SRRM3: variants seen among roughly 807,000 people sequenced by gnomAD.
The protein encoded by SRRM3 is serine/arginine repetitive matrix protein 3.
Under a neutral mutation model 66.2 loss-of-function variants are expected in SRRM3, and 27 were observed. The observed-to-expected ratio is 0.41, with a 90% CI of 0.30 to 0.56. SRRM3 has a LOEUF of 0.56. Ranked by LOEUF, SRRM3 falls within the 20% of genes least tolerant of loss-of-function variation. The pLI, the probability that SRRM3 is intolerant of heterozygous loss-of-function variation, is 0.32. For synonymous variants in SRRM3, 391 were observed against 414.9 expected (o/e 0.94, Z 0.70); for missense variants, 918 against 991.9 (o/e 0.93, Z 1.00).
In SRRM3 at chr7:76,263,698, A is replaced by AAAAC. The variant is rs528752673; in HGVS notation, c.675-1047_675-1044dup. 6.3e-3 allele frequency among the ~76,000 whole-genome samples: 962 copies of AAAAC among 151,924 alleles called. 11 individuals are homozygous for AAAAC. The highest frequency in any genetic ancestry group is 0.021 in the African/African-American group (885 of 41,406). On this transcript the variant is annotated intron_variant, in intron 8 of 14. Transcript: ENST00000611745. ...AACATGGTGAAATCCTGTTTCTACT[A>AAAAC]AAACAAACAAACAAACAAACAAAAA...
At chr7:76,266,512 T>C (rs1342870445) in intron 10 of SRRM3, among the ~76,000 whole-genome samples, 4 of 112,056 alleles carry the variant, frequency 3.6e-5, no homozygotes, top group African/African-American at 7.4e-5. Flanking sequence ...AATATATAAA[T>C]ATTTATATAT....
chr7:76,231,633 G>A (rs1049798616), intron 1 of SRRM3, among the ~76,000 whole-genome samples: 15 of 152,226 alleles, frequency 9.9e-5, no homozygotes, highest in Non-Finnish European at 1.5e-5. Flanking sequence ...AGGCTCTAAC[G>A]AGCCAGAATG....
chr7:76,258,412 G>A (rs533422389), intron 3 of SRRM3, among the ~76,000 whole-genome samples: 2 of 152,236 alleles, frequency 1.3e-5, no homozygotes, highest in Admixed American at 6.6e-5. Flanking sequence ...GGAGGAAGGG[G>A]CTCTTTAAGA....
intron 5 of SRRM3, 94 bp from the exon 6 acceptor site, chr7:76,260,780 C>A (rs1312501621): frequency 1.0e-5 from 13 of 1,239,656 alleles, no homozygotes; most frequent in Non-Finnish European, 1.4e-5. Flanking sequence ...CTCTGTCCAC[C>A]CTCCCCTGTC....
chr7:76,226,343 C>T (rs1201600669), intron 1 of SRRM3, among the ~76,000 whole-genome samples: 1 of 152,204 alleles, frequency 6.6e-6, no homozygotes. Context: ...AGGCTTTTAA[C>T]CACTTCCTGG....
At chr7:76,248,609 A>G (rs1337904563) in intron 3 of SRRM3, among the ~76,000 whole-genome samples, 1 of 152,174 alleles carries the variant, frequency 6.6e-6, no homozygotes, top group Non-Finnish European at 1.5e-5. Context: ...GGAAGACCTC[A>G]GATATGCCCT....
At chr7:76,241,529 A>G (rs1261542625) in intron 2 of SRRM3, among the ~76,000 whole-genome samples, 2 of 151,966 alleles carry the variant, frequency 1.3e-5, no homozygotes, top group African/African-American at 4.8e-5. Context: ...TTTGAGACAG[A>G]GTCTCACTCC....
intron 1 of SRRM3, among the ~76,000 whole-genome samples, chr7:76,228,419 G>A (rs978163106): frequency 5.9e-5 from 9 of 152,048 alleles, no homozygotes; most frequent in Admixed American, 4.6e-4. Flanking sequence ...GAAACTCTGG[G>A]GGCGAAGTCA....
chr7:76,240,350 T>C (rs1330032246), intron 2 of SRRM3, among the ~76,000 whole-genome samples: 1 of 148,192 alleles, frequency 6.7e-6, no homozygotes, highest in African/African-American at 2.5e-5. Flanking sequence ...GCCGGGTGCA[T>C]TGGCTCATGC....
In SRRM3 at chr7:76,202,049, C is replaced by G. The variant is rs1384369335; in HGVS notation, c.-58C>G. 1 of 152,488 alleles carries G rather than the reference C, an allele frequency of 6.6e-6. No individual in the cohort carries two copies. The highest frequency in any genetic ancestry group is 6.5e-5 in the Admixed American group (1 of 15,276). The allele number at this position is 152,488 out of a possible 1,614,324, so 9.4% of individuals were successfully genotyped here. ...GGCCTGGCCCCAGCGCCCGGTAGAT[C>G]GCGGCGGTCAGCGGTGAGGTGAGAG... On this transcript the variant is annotated 5_prime_UTR_variant, in exon 1 of 15. The change creates a new upstream start codon in the 5' untranslated region. Coordinates refer to ENST00000611745, the MANE Select transcript of SRRM3 (RefSeq NM_001110199.3).
At chr7:76,269,207 C>G (rs1554610187) in intron 11 of SRRM3, 2 of 152,266 alleles carry the variant, frequency 1.3e-5, no homozygotes, top group Non-Finnish European at 2.9e-5. Flanking sequence ...TTGTCTCCCT[C>G]CCAGCATGGG....
chr7:76,232,755 G>A (rs1250878562), intron 1 of SRRM3, among the ~76,000 whole-genome samples: 2 of 152,174 alleles, frequency 1.3e-5, no homozygotes, highest in African/African-American at 4.8e-5. Flanking sequence ...TGGAGACGGG[G>A]CTGGACCAGG....
intron 1 of SRRM3, among the ~76,000 whole-genome samples, chr7:76,205,431 A>G (rs572041301): frequency 6.6e-5 from 10 of 152,070 alleles, no homozygotes; most frequent in African/African-American, 2.2e-4. Flanking sequence ...GCTGCTCTCA[A>G]TCTCCTGACC....
intron 2 of SRRM3, among the ~76,000 whole-genome samples, chr7:76,247,063 G>A (rs1801460868): frequency 6.6e-6 from 1 of 152,220 alleles, no homozygotes; most frequent in Non-Finnish European, 1.5e-5. Context: ...TCCAGGGGCA[G>A]TGTGGACACA....
chr7:76,227,969 A>C (rs1472488331), intron 1 of SRRM3, among the ~76,000 whole-genome samples: 1 of 152,154 alleles, frequency 6.6e-6, no homozygotes, highest in Non-Finnish European at 1.5e-5. Context: ...TCCTGGGTTC[A>C]AGCTATTCTC....
At chr7:76,202,650 G>A (rs1800181830) in intron 1 of SRRM3, among the ~76,000 whole-genome samples, 1 of 152,134 alleles carries the variant, frequency 6.6e-6, no homozygotes, top group Admixed American at 6.6e-5. Context: ...TAGCTACTAG[G>A]AATTTGGGAG....
chr7:76,255,250 A>C (rs1456780496), intron 3 of SRRM3, among the ~76,000 whole-genome samples: 1 of 147,174 alleles, frequency 6.8e-6, no homozygotes, highest in African/African-American at 2.5e-5. Flanking sequence ...CCTGGGTTCA[A>C]GCGATTCTCC....
chr7:76,248,038 C>A (rs1554606331), intron 2 of SRRM3, 150 bp from the exon 3 acceptor site: 5 of 640,308 alleles, frequency 7.8e-6, no homozygotes, highest in Non-Finnish European at 1.1e-5. Flanking sequence ...TGCTGAAGAC[C>A]TGGCTTGATC....
At chr7:76,211,927 C>G (rs868908856) in intron 1 of SRRM3, among the ~76,000 whole-genome samples, 120 of 150,592 alleles carry the variant, frequency 8.0e-4, no homozygotes, top group African/African-American at 2.8e-3. Context: ...GCAGCTTCCA[C>G]CTTCTAGGCT....
Sources: allele counts gnomAD v4.1 joint callset (sites outside exome capture counted in the v4.1 genomes callset), GRCh38; gene constraint gnomAD v4.1.1; transcripts MANE v1.5; gene names NCBI Gene and HGNC (gene_info 2026-07-23, HGNC 2026-07-21).